PALM2AKAP2: variants seen among roughly 807,000 people sequenced by gnomAD.
The protein encoded by PALM2AKAP2 is PALM2-AKAP2 fusion protein.
A neutral mutation model predicts 71.5 loss-of-function variants in PALM2AKAP2; 37 were observed. The ratio of observed to expected loss-of-function variants is 0.52; its 90% CI spans 0.40 to 0.68. PALM2AKAP2 has a LOEUF of 0.68. PALM2AKAP2 is among the 30% of genes least tolerant of loss of function. The pLI, the probability that PALM2AKAP2 is intolerant of heterozygous loss-of-function variation, is 0.00. For missense variants in PALM2AKAP2, 1,224 were observed against 1,191.8 expected (o/e 1.03, Z -0.40); for synonymous variants, 468 against 478.8 (o/e 0.98, Z 0.29).
At chr9:110,061,647 ATGTG>A (rs975433083) in intron 1 of PALM2AKAP2, among the ~76,000 whole-genome samples, 1 of 148,758 alleles carries the variant, frequency 6.7e-6, no homozygotes, top group East Asian at 1.9e-4. Flanking sequence ...TTATATATAT[ATGTG>A]TGTGTGTACA....
intron 1 of PALM2AKAP2, among the ~76,000 whole-genome samples, chr9:109,806,764 G>T (rs1827586581): frequency 6.6e-6 from 1 of 152,196 alleles, no homozygotes; most frequent in South Asian, 2.1e-4. Flanking sequence ...TGGGGAGTGG[G>T]TGAAGGAGAG....
intron 1 of PALM2AKAP2, among the ~76,000 whole-genome samples, chr9:109,707,610 C>T (rs1828164139): frequency 6.6e-6 from 1 of 152,160 alleles, no homozygotes; most frequent in Non-Finnish European, 1.5e-5. Context: ...TGACTAAATG[C>T]TACTTAGTCT....
At chr9:110,153,306 A>G (rs966314643) in intron 2 of PALM2AKAP2, among the ~76,000 whole-genome samples, 1 of 152,168 alleles carries the variant, frequency 6.6e-6, no homozygotes, top group Admixed American at 6.5e-5. Context: ...TCACTGTCTT[A>G]TGTAACTTGG....
intron 6 of PALM2AKAP2, among the ~76,000 whole-genome samples, chr9:110,007,301 C>T (rs910706191): frequency 1.3e-5 from 2 of 152,102 alleles, no homozygotes; most frequent in African/African-American, 2.4e-5. Flanking sequence ...GTTTAATGCC[C>T]CATTAAATAA....
At chr9:109,967,813 G>A (rs1328288644) in intron 6 of PALM2AKAP2, among the ~76,000 whole-genome samples, 3 of 152,230 alleles carry the variant, frequency 2.0e-5, no homozygotes, top group African/African-American at 7.2e-5. Flanking sequence ...ACAGAAAGTG[G>A]TGGATGAGTC....
chr9:109,755,584 A>G (rs541446538), intron 1 of PALM2AKAP2, among the ~76,000 whole-genome samples: 10 of 152,250 alleles, frequency 6.6e-5, no homozygotes. Context: ...CAGAAATTTC[A>G]GGCTGCAGTG....
intron 1 of PALM2AKAP2, among the ~76,000 whole-genome samples, chr9:109,812,219 C>T (rs1452036024): frequency 6.6e-6 from 1 of 152,136 alleles, no homozygotes; most frequent in African/African-American, 2.4e-5. Context: ...TGGGTGAATA[C>T]TCCTCTGAGA....
chr9:109,830,487 T>G (rs1828267981), intron 1 of PALM2AKAP2, among the ~76,000 whole-genome samples: 1 of 152,174 alleles, frequency 6.6e-6, no homozygotes, highest in African/African-American at 2.4e-5. Flanking sequence ...ACTGCCAACA[T>G]AGCCTTTTCA....
chr9:110,003,028 T>C (rs1476595499), intron 6 of PALM2AKAP2, among the ~76,000 whole-genome samples: 2 of 152,258 alleles, frequency 1.3e-5, no homozygotes, highest in Admixed American at 6.5e-5. Flanking sequence ...TGTCTCTATA[T>C]CCTTCAGTTC....
chr9:109,968,971 A>G (rs1832009688), intron 6 of PALM2AKAP2, among the ~76,000 whole-genome samples: 1 of 152,134 alleles, frequency 6.6e-6, no homozygotes, highest in East Asian at 1.9e-4. Flanking sequence ...GACTGTGGTA[A>G]TTTAGAGACT....
intron 7 of PALM2AKAP2, among the ~76,000 whole-genome samples, chr9:110,016,968 C>T (rs1441318664): frequency 6.6e-6 from 1 of 152,152 alleles, no homozygotes; most frequent in Admixed American, 6.5e-5. Flanking sequence ...CAAGCTCCGC[C>T]TCCCGGGTTC....
At chr9:109,793,837 A>G (rs1827180931) in intron 1 of PALM2AKAP2, among the ~76,000 whole-genome samples, 1 of 152,238 alleles carries the variant, frequency 6.6e-6, no homozygotes, top group South Asian at 2.1e-4. Context: ...CAGCATCCAT[A>G]AATAAACTTT....
At chr9:109,773,921 A>G (rs923142832) in intron 1 of PALM2AKAP2, among the ~76,000 whole-genome samples, 1 of 100,654 alleles carries the variant, frequency 9.9e-6, no homozygotes, top group Non-Finnish European at 1.9e-5. Flanking sequence ...TGTCATTCCC[A>G]AAGGTGTCAG....
At chr9:109,977,107 C>T (rs933813235) in intron 6 of PALM2AKAP2, among the ~76,000 whole-genome samples, 2 of 152,004 alleles carry the variant, frequency 1.3e-5, no homozygotes, top group African/African-American at 2.4e-5. Flanking sequence ...GAGGTGAGGC[C>T]AAGAATTTTT....
intron 2 of PALM2AKAP2, 75 bp downstream of exon 8, chr9:110,138,614 A>T: frequency 6.8e-7 from 1 of 1,465,634 alleles, no homozygotes; most frequent in Non-Finnish European, 9.0e-7. Flanking sequence ...ATGGGTTTCT[A>T]TGTGGAGCCT....
chr9:109,843,655 C>T (rs1276106786), intron 1 of PALM2AKAP2, among the ~76,000 whole-genome samples: 1 of 152,166 alleles, frequency 6.6e-6, no homozygotes, highest in Non-Finnish European at 1.5e-5. Context: ...TGCTTGTTTC[C>T]ATCCTCTTTC....
intron 3 of PALM2AKAP2, among the ~76,000 whole-genome samples, chr9:109,908,953 C>G (rs1404678322): frequency 6.6e-6 from 1 of 152,142 alleles, no homozygotes; most frequent in African/African-American, 2.4e-5. Context: ...ACAATTTTCA[C>G]AATCTGGTAT....
intron 1 of PALM2AKAP2, among the ~76,000 whole-genome samples, chr9:109,706,765 T>G (rs76764377): frequency 2.2e-3 from 335 of 152,336 alleles, no homozygotes; most frequent in African/African-American, 7.8e-3. Context: ...ACAACCTGGA[T>G]GCACCTTAAC....
At chr9:110,109,457 C>A (rs77031037) in intron 1 of PALM2AKAP2, among the ~76,000 whole-genome samples, 1,592 of 151,408 alleles carry the variant, frequency 0.011, 7 homozygotes, top group Middle Eastern at 0.034. Context: ...CTCCCGGAAA[C>A]ACAAAAGCCT....
Sources: allele counts gnomAD v4.1 joint callset (sites outside exome capture counted in the v4.1 genomes callset), GRCh38; gene constraint gnomAD v4.1.1; transcripts MANE v1.5; gene names NCBI Gene and HGNC (gene_info 2026-07-23, HGNC 2026-07-21).